The following RASGRP3 variants were observed in gnomAD, a reference collection of about 807,000 sequenced individuals.
The protein encoded by RASGRP3 is RAS guanyl releasing protein 3.
A neutral mutation model predicts 82.7 loss-of-function variants in RASGRP3; 54 were observed. That is an observed-to-expected ratio of 0.65 (90% CI 0.52 to 0.82). RASGRP3 has a LOEUF of 0.82. Ranked by LOEUF, RASGRP3 falls within the 40% of genes least tolerant of loss-of-function variation. The pLI is 0.00. For synonymous variants in RASGRP3, 309 were observed against 300.5 expected (o/e 1.03, Z -0.29); for missense variants, 861 against 828.9 (o/e 1.04, Z -0.48).
At position 33,539,235 on chromosome 2, in the gene RASGRP3, A is replaced by G. The variant is rs769770619; in HGVS notation, c.1278+25A>G. The G allele has an allele frequency of 8.1e-6, 12 of 1,490,222 alleles. No homozygotes were observed. The African/African-American group carries it at 1.5e-4, about 19-fold the overall frequency. 92.3% of individuals were successfully genotyped at this position (1,490,222 alleles called of 1,614,324 possible). A position where few individuals can be genotyped will look rare whatever the true frequency, so the allele number is the denominator to read the frequency against. ...GGTAAGTGGTTGAGGGAGAATAAAG[A>G]GAGGGCACTAGAAGACCCTTTCTCT... On this transcript the variant is annotated intron_variant, in intron 12 of 17. Coordinates refer to ENST00000403687, the MANE Select transcript of RASGRP3 (RefSeq NM_001139488.2).
rs1246330254 is a variant in RASGRP3 at position 33,520,002 on chromosome 2, G to C, written c.224G>C (p.Cys75Ser). ...ESCNEFRLKI[C>S]YFMRYWILKF... ...TGCAATGAATTTCGATTAAAGATCT[G>C]CTACTTCATGAGGTAAATATATTTA... The change falls in exon 5 of 18, where the codon TGC becomes TCC. Residue 75 changes from cysteine to serine, a missense_variant. By Grantham distance (112) the Cys-to-Ser change is moderately radical. Transcript: ENST00000403687. 6.2e-7 allele frequency: 1 copy of C among 1,605,790 alleles called. No homozygotes were observed. The highest frequency in any genetic ancestry group is 8.5e-7 in the Non-Finnish European group (1 of 1,175,160).
At chr2:33,503,489 T>C (rs575242281) in intron 1 of RASGRP3, among the ~76,000 whole-genome samples, 2 of 152,286 alleles carry the variant, frequency 1.3e-5, no homozygotes, top group Middle Eastern at 6.8e-3. Context: ...AGGAAAAACA[T>C]CTGAAACAAA....
rs1436130112 is a variant in RASGRP3, at chr2:33,484,536, A to ATT, written c.-261+7840_-261+7841dup. ...GAGTTGACACGATGCTTTAGAGATC[A>ATT]TTTTTTTTTTTTATGGTAAGGACAG... On this transcript the variant is annotated intron_variant, in intron 1 of 17. Coordinates refer to ENST00000403687, the MANE Select transcript of RASGRP3 (RefSeq NM_001139488.2). Among the ~76,000 whole-genome samples the ATT allele has an allele frequency of 7.8e-3, 1,144 of 146,134 alleles. 17 individuals carry two copies. Among genetic ancestry groups the ATT allele is most frequent in the African/African-American group, 0.027 (1,083 of 40,220 alleles).
intron 1 of RASGRP3, among the ~76,000 whole-genome samples, chr2:33,499,033 T>G (rs1209947312): frequency 6.6e-6 from 1 of 152,188 alleles, no homozygotes; most frequent in Non-Finnish European, 1.5e-5. Flanking sequence ...AATTCCACTA[T>G]GAGCCTGTTA....
chr2:33,446,892 C>T lies in RASGRP3; in HGVS notation c.-384-928C>T, dbSNP rs572234058. On this transcript the variant is annotated intron_variant, in intron 1 of 18. Coordinates refer to the RASGRP3 transcript ENST00000402538. ...GGTGCGGTGGCTCACTCCTGTAATC[C>T]CAGCACTTTGGGAGGCCGAGGCGGG... Among the ~76,000 whole-genome samples the T allele has an allele frequency of 3.3e-5, 5 of 151,858 alleles. No homozygotes were observed. In the East Asian group the frequency reaches 7.8e-4, roughly 24 times the overall value.
intron 13 of RASGRP3, 64 bp from the exon 14 acceptor site, chr2:33,549,540 G>C (rs576360953): frequency 5.4e-6 from 8 of 1,481,972 alleles, no homozygotes; most frequent in Non-Finnish European, 7.3e-6. Flanking sequence ...GGTGATTAAA[G>C]TGTGGCAACT....
intron 1 of RASGRP3, among the ~76,000 whole-genome samples, chr2:33,497,805 C>T (rs989217715): frequency 4.6e-5 from 7 of 151,858 alleles, no homozygotes; most frequent in Admixed American, 3.9e-4. Flanking sequence ...GGTGGTATGC[C>T]CAGAGACAGC....
chr2:33,531,662 G>T (rs980508113), intron 10 of RASGRP3: 1 of 152,192 alleles, frequency 6.6e-6, no homozygotes, highest in Non-Finnish European at 1.5e-5. Flanking sequence ...AAGGTTAACT[G>T]CATGCCCAGG....
chr2:33,473,083 C>T (rs2150919772), upstream of RASGRP3, among the ~76,000 whole-genome samples: 1 of 149,970 alleles, frequency 6.7e-6, no homozygotes, highest in East Asian at 2.1e-4. Context: ...GCAAGTCTGG[C>T]TGGGGGCAGT....
At position 33,551,237 on chromosome 2, in the gene RASGRP3, T is replaced by C. The variant is rs1437727824; in HGVS notation, c.1542+1486T>C. On this transcript the variant is annotated intron_variant, in intron 14 of 17. Coordinates refer to ENST00000403687, the MANE Select transcript of RASGRP3 (RefSeq NM_001139488.2). ...CTGAGGCAGGAGAATCATTTGAACCTGGGAGGCAGAGGTTGCACTGGGCCA... is the reference window on the plus strand; with the variant it reads ...CTGAGGCAGGAGAATCATTTGAACCCGGGAGGCAGAGGTTGCACTGGGCCA... Among the ~76,000 whole-genome samples the C allele has an allele frequency of 2.6e-5, 4 of 151,690 alleles. No individual in the cohort carries two copies. The East Asian group carries it at 5.9e-4, about 22-fold the overall frequency.
rs189171277 is a variant in RASGRP3 at position 33,439,579 on chromosome 2, G to A, written c.-385+2988G>A. Among the ~76,000 whole-genome samples the A allele has an allele frequency of 2.0e-4, 30 of 152,256 alleles. No individual in the cohort carries two copies. The South Asian group carries it at 2.9e-3, about 15-fold the overall frequency. On this transcript the variant is annotated intron_variant, in intron 1 of 18. Coordinates refer to the RASGRP3 transcript ENST00000402538. ...TGCATGACTGTGTATGAGACTTAGT[G>A]CATGGGACCTACTTATACGAAAATA... is the stretch of plus-strand genomic sequence containing the variant.
chr2:33,468,328 A>T (rs1043651100), intron 2 of RASGRP3, among the ~76,000 whole-genome samples: 2 of 148,624 alleles, frequency 1.3e-5, no homozygotes, highest in Admixed American at 1.6e-4. Flanking sequence ...ATGGGATTGT[A>T]CTGAATAAAC....
At chr2:33,500,429 G>A (rs1218328894) in intron 1 of RASGRP3, among the ~76,000 whole-genome samples, 2 of 152,066 alleles carry the variant, frequency 1.3e-5, no homozygotes, top group Admixed American at 6.6e-5. Context: ...GATACGGGAT[G>A]ACAGCTTGAA....
In RASGRP3 at chr2:33,523,959, T is replaced by C; in HGVS notation, c.597T>C (p.Asn199=). 1 of 1,613,938 alleles carries C rather than the reference T, an allele frequency of 6.2e-7. No homozygotes were observed. The highest frequency in any genetic ancestry group is 8.5e-7 in the Non-Finnish European group (1 of 1,179,824). ...TGGAAAGATCGATTGCTTTATTTAA[T>C]GGAATCTCTAAGTGGGTCCAGTTGA... The part of the protein sequence containing the change: ...PTLERSIALF[N]GISKWVQLMV... Residue 199 remains asparagine, a synonymous_variant, in exon 8 of 18, where the codon AAT becomes AAC. Coordinates refer to ENST00000403687, the MANE Select transcript of RASGRP3 (RefSeq NM_001139488.2).
chr2:33,535,276 T>C (rs971108764), intron 11 of RASGRP3, among the ~76,000 whole-genome samples: 3 of 152,216 alleles, frequency 2.0e-5, no homozygotes, highest in African/African-American at 7.2e-5. Context: ...ACACCACTCA[T>C]TGGTTTTAGT....
At chr2:33,456,183 A>T (rs1666025292) in intron 2 of RASGRP3, among the ~76,000 whole-genome samples, 1 of 152,092 alleles carries the variant, frequency 6.6e-6, no homozygotes, top group Non-Finnish European at 1.5e-5. Flanking sequence ...GAGGTATTTG[A>T]TCCTCTTACT....
In RASGRP3 at chr2:33,551,721, C is replaced by T. The variant is rs538751655; in HGVS notation, c.1542+1970C>T. Among the ~76,000 whole-genome samples, 10 of 152,224 alleles carry T rather than the reference C, an allele frequency of 6.6e-5. No individual in the cohort carries two copies. The East Asian group carries it at 7.7e-4, about 12-fold the overall frequency. ...CAATAATAAAAAACTCGGCCAGGCA[C>T]GGTGGCTCACGCCTATAATCCCAGC... On this transcript the variant is annotated intron_variant, in intron 14 of 17. Transcript: ENST00000403687.
At chr2:33,522,689 A>G (rs1672152389) in intron 7 of RASGRP3, among the ~76,000 whole-genome samples, 1 of 152,020 alleles carries the variant, frequency 6.6e-6, no homozygotes, top group Non-Finnish European at 1.5e-5. Flanking sequence ...TCCTCCCGTT[A>G]TGGTAAACAT....
chr2:33,462,970 A>G (rs1049890669), intron 2 of RASGRP3, among the ~76,000 whole-genome samples: 1 of 152,138 alleles, frequency 6.6e-6, no homozygotes. Context: ...TTATTTATTT[A>G]TTTAACTATA....
Sources: gnomAD v4.1 joint callset for allele counts (sites outside exome capture counted in the v4.1 genomes callset) on GRCh38, gnomAD v4.1.1 for gene constraint, MANE v1.5 for transcripts, NCBI Gene and HGNC (gene_info 2026-07-23, HGNC 2026-07-21) for gene names.